The following CTNNAL1 variants were observed in gnomAD, a reference collection of about 807,000 sequenced individuals.
CTNNAL1 encodes the protein alpha-catulin.
Under a neutral mutation model 93.6 loss-of-function variants are expected in CTNNAL1, and 69 were observed. That is an observed-to-expected ratio of 0.74 (90% CI 0.61 to 0.90). The LOEUF (loss-of-function observed/expected upper bound fraction) is 0.90. Among genes scored for constraint, CTNNAL1 ranks in the 40% least tolerant of loss-of-function variants. CTNNAL1 has a pLI of 0.00. For synonymous variants in CTNNAL1, 286 were observed against 305.4 expected (o/e 0.94, Z 0.66); for missense variants, 836 against 862.0 (o/e 0.97, Z 0.38).
At chr9:108,988,462 G>T (rs890508991) in intron 4 of CTNNAL1, among the ~76,000 whole-genome samples, 5 of 152,134 alleles carry the variant, frequency 3.3e-5, no homozygotes, top group Admixed American at 6.5e-5. Flanking sequence ...CTCTTGAGTG[G>T]TCTCCCTGCC....
chr9:108,973,280 A>G (rs1831169235), intron 8 of CTNNAL1, among the ~76,000 whole-genome samples: 2 of 152,218 alleles, frequency 1.3e-5, no homozygotes, highest in Admixed American at 6.5e-5. Context: ...AAGAGTATTA[A>G]GAGTGCAATA....
chr9:109,002,522 G>A (rs1826869014), intron 1 of CTNNAL1, among the ~76,000 whole-genome samples: 1 of 152,278 alleles, frequency 6.6e-6, no homozygotes, highest in South Asian at 2.1e-4. Flanking sequence ...ACATGAAAGG[G>A]AGAATATATA....
chr9:108,994,609 G>A (rs115111947), intron 2 of CTNNAL1, among the ~76,000 whole-genome samples: 2,684 of 152,294 alleles, frequency 0.018, 31 homozygotes, highest in South Asian at 0.044. Flanking sequence ...TGGATGTCTT[G>A]TGTATAATGA....
intron 1 of CTNNAL1, among the ~76,000 whole-genome samples, chr9:108,999,895 C>T (rs28361107): frequency 6.6e-6 from 1 of 152,140 alleles, no homozygotes; most frequent in Non-Finnish European, 1.5e-5. Context: ...CTGAAACAAA[C>T]ATAATTCTTC....
rs1051770862 is a variant in CTNNAL1, at chr9:108,990,620, C to G, written c.639+106G>C. The G allele has an allele frequency of 3.6e-6, 5 of 1,384,328 alleles. No homozygotes were observed. In the African/African-American group the frequency reaches 7.3e-5, roughly 20 times the overall value. The allele number at this position is 1,384,328 out of a possible 1,614,324, so 85.8% of individuals were successfully genotyped here. ...AGGCTTTCAAGACCAAGGCTATAGA[C>G]TTAATAAGCAAAGAAACCAGTCCAA... On this transcript the variant is annotated intron_variant, in intron 4 of 18. Transcript: ENST00000325551.
At chr9:108,946,297 C>CAAA (rs35064357) in intron 15 of CTNNAL1, among the ~76,000 whole-genome samples, 3 of 95,068 alleles carry the variant, frequency 3.2e-5, no homozygotes, top group African/African-American at 8.0e-5. Context: ...GACTAAGTCT[C>CAAA]AAAAAAAAAA....
chr9:108,981,070 C>A (rs997508476), intron 6 of CTNNAL1, among the ~76,000 whole-genome samples: 18 of 152,366 alleles, frequency 1.2e-4, no homozygotes, highest in African/African-American at 4.1e-4. Flanking sequence ...CTCCAGCATG[C>A]CTGATGGCGA....
At chr9:108,949,788 G>A (rs906439306) in intron 14 of CTNNAL1, among the ~76,000 whole-genome samples, 1 of 152,158 alleles carries the variant, frequency 6.6e-6, no homozygotes, top group African/African-American at 2.4e-5. Flanking sequence ...AAATTGCAGT[G>A]AGCCGAGATT....
At position 108,972,439 on chromosome 9, in the gene CTNNAL1, G is replaced by T. The variant is rs567326984; in HGVS notation, c.1347+236C>A. On this transcript the variant is annotated intron_variant, in intron 9 of 18. Coordinates refer to ENST00000325551, the MANE Select transcript of CTNNAL1 (RefSeq NM_003798.4). ...ACTCCAAGGTCTAACTTCTCTGAGA[G>T]GATAAGGAAAAGAAGATTAAGAAGT... 6.8e-4 allele frequency among the ~76,000 whole-genome samples: 104 copies of T among 152,236 alleles called. 3 individuals carry two copies. In the South Asian group the frequency reaches 0.021, roughly 30 times the overall value.
chr9:108,984,680 T>C lies in CTNNAL1; in HGVS notation c.640-244A>G, dbSNP rs28361127. ...AGAGAGCCAGAAACTGAGACACAGG[T>C]AGAGGCTGCACATGGCTGACATTCT... is the stretch of plus-strand genomic sequence containing the variant. On this transcript the variant is annotated intron_variant, in intron 4 of 18. Coordinates refer to ENST00000325551, the MANE Select transcript of CTNNAL1 (RefSeq NM_003798.4). Among the ~76,000 whole-genome samples, 10 of 152,176 alleles carry C rather than the reference T, an allele frequency of 6.6e-5. 1 individual carries two copies. Among genetic ancestry groups the C allele is most frequent in the Admixed American group, 5.9e-4 (9 of 15,292 alleles).
chr9:108,955,087 C>T (rs567053730), intron 12 of CTNNAL1, among the ~76,000 whole-genome samples: 3 of 152,234 alleles, frequency 2.0e-5, no homozygotes, highest in African/African-American at 7.2e-5. Flanking sequence ...CTCACCCTCC[C>T]GAGTAGCTGG....
chr9:109,013,382 A>G lies in CTNNAL1; in HGVS notation c.61T>C (p.Ser21Pro). ...CCCGAGTCGAGGGCGAAGCCCGAAGAGCCGGAGCCGTAGACTGCTCCGGCG... is the reference window on the plus strand; with the variant it reads ...CCCGAGTCGAGGGCGAAGCCCGAAGGGCCGGAGCCGTAGACTGCTCCGGCG... ...GGAGAVYGSG[S>P]SGFALDSGLE... Residue 21 changes from serine to proline, a missense_variant, in exon 1 of 19, where the codon TCT becomes CCT. Physicochemically the swap from Ser to Pro is moderately conservative, Grantham distance 74. Coordinates refer to ENST00000325551, the MANE Select transcript of CTNNAL1 (RefSeq NM_003798.4). 1 of 1,512,680 alleles carries G rather than the reference A, an allele frequency of 6.6e-7. No individual in the cohort carries two copies. The allele number at this position is 1,512,680 out of a possible 1,614,324, so 93.7% of individuals were successfully genotyped here.
chr9:108,965,233 A>AT lies in CTNNAL1; in HGVS notation c.1591+144dup, dbSNP rs911200720. 103 of 608,754 alleles carry AT rather than the reference A, an allele frequency of 1.7e-4. No individual in the cohort carries two copies. In the African/African-American group the frequency reaches 1.8e-3, roughly 11 times the overall value. The allele number at this position is 608,754 out of a possible 1,614,324, so 37.7% of individuals were successfully genotyped here. On this transcript the variant is annotated intron_variant, in intron 11 of 18. Coordinates refer to ENST00000325551, the MANE Select transcript of CTNNAL1 (RefSeq NM_003798.4). ...AGGAGGATAAAATAATATTTTTGTA[A>AT]TTTTTTTGTGAACAATATTTTACTA... is the stretch of plus-strand genomic sequence containing the variant.
At chr9:108,952,419 G>A in intron 13 of CTNNAL1, 25 bp downstream of exon 13, 1 of 1,614,156 alleles carries the variant, frequency 6.2e-7, no homozygotes, top group Non-Finnish European at 8.5e-7. Context: ...GTTAAAGGAA[G>A]ATTAGATGTA....
In CTNNAL1 at chr9:109,013,315, G is replaced by C; in HGVS notation, c.128C>G (p.Pro43Arg). The change falls in exon 1 of 19, where the codon CCG becomes CGG. Residue 43 changes from proline to arginine, a missense_variant. Pro to Arg is a moderately radical substitution (Grantham distance 103). Transcript: ENST00000325551. ...GCGCCACTTTACCTGAGAAACCAGCGGGAGTAGCGTCTGCTCCACCGAGCG... is the reference window on the plus strand; with the variant it reads ...GCGCCACTTTACCTGAGAAACCAGCCGGAGTAGCGTCTGCTCCACCGAGCG... ...KTRSVEQTLL[P>R]LVSQITTLIN... The C allele has an allele frequency of 6.6e-7, 1 of 1,507,790 alleles. No individual in the cohort carries two copies. Among genetic ancestry groups the C allele is most frequent in the Non-Finnish European group, 8.9e-7 (1 of 1,127,930 alleles). 93.4% of individuals were successfully genotyped at this position (1,507,790 alleles called of 1,614,324 possible). A position where few individuals can be genotyped will look rare whatever the true frequency, so the allele number is the denominator to read the frequency against.
chr9:109,001,603 A>G (rs1587991550), intron 1 of CTNNAL1, among the ~76,000 whole-genome samples: 1 of 152,350 alleles, frequency 6.6e-6, no homozygotes, highest in East Asian at 1.9e-4. Flanking sequence ...CAACTGCCAC[A>G]TAATGGAAGG....
intron 14 of CTNNAL1, among the ~76,000 whole-genome samples, chr9:108,948,744 G>A (rs1447619618): frequency 6.6e-6 from 1 of 152,188 alleles, no homozygotes; most frequent in Non-Finnish European, 1.5e-5. Context: ...ACTCTCATCA[G>A]AAGATTGAGG....
At chr9:109,005,583 A>C (rs1239491325) in intron 1 of CTNNAL1, among the ~76,000 whole-genome samples, 1 of 152,064 alleles carries the variant, frequency 6.6e-6, no homozygotes, top group Non-Finnish European at 1.5e-5. Flanking sequence ...CTGTCCATGA[A>C]CCAGAATGTG....
chr9:108,998,087 G>T (rs993408240), intron 2 of CTNNAL1, among the ~76,000 whole-genome samples: 2 of 152,198 alleles, frequency 1.3e-5, no homozygotes, highest in Admixed American at 1.3e-4. Flanking sequence ...CTGCTGTAAT[G>T]TTCCTTCCTT....
Sources: gnomAD v4.1 joint callset for allele counts (sites outside exome capture counted in the v4.1 genomes callset) on GRCh38, gnomAD v4.1.1 for gene constraint, MANE v1.5 for transcripts, NCBI Gene and HGNC (gene_info 2026-07-23, HGNC 2026-07-21) for gene names.